KAZN: variants seen among roughly 807,000 people sequenced by gnomAD.
KAZN encodes kazrin, periplakin interacting protein, also known as kazrin.
In KAZN, 40 loss-of-function variants were observed where a neutral mutation model predicts 87.4. The observed-to-expected ratio is 0.46, with a 90% confidence interval of 0.36 to 0.60. The LOEUF (loss-of-function observed/expected upper bound fraction) is 0.60, where lower values mean the gene tolerates loss of function less well. Among genes scored for constraint, KAZN ranks in the 20% least tolerant of loss-of-function variants. The probability of loss-of-function intolerance (pLI) is 0.00; values close to 1 mark genes in which losing one functional copy is unlikely to be tolerated. For missense variants in KAZN, 898 were observed against 1,073.9 expected (o/e 0.84, Z 2.29); for synonymous variants, 466 against 458.3 (o/e 1.02, Z -0.22).
chr1:14,750,287 G>C (rs1196439924), intron 1 of KAZN, among the ~76,000 whole-genome samples: 1 of 152,110 alleles, frequency 6.6e-6, no homozygotes. Context: ...GGACTCCTCT[G>C]CCTCATTCCC....
chr1:14,077,915 G>A (rs764920919), intron 1 of KAZN, among the ~76,000 whole-genome samples: 3 of 152,298 alleles, frequency 2.0e-5, no homozygotes, highest in South Asian at 2.1e-4. Flanking sequence ...GCCGGCAGCC[G>A]CCTGCCACGG....
intron 1 of KAZN, among the ~76,000 whole-genome samples, chr1:14,601,107 C>T (rs1676937139): frequency 6.6e-6 from 1 of 152,214 alleles, no homozygotes; most frequent in Non-Finnish European, 1.5e-5. Context: ...CAGCAGCTCC[C>T]ATACGCTCTC....
chr1:14,807,504 C>A (rs995529183), intron 1 of KAZN, among the ~76,000 whole-genome samples: 2 of 152,130 alleles, frequency 1.3e-5, no homozygotes, highest in Non-Finnish European at 2.9e-5. Context: ...CATGGTGGCT[C>A]ACACCCGTAA....
At chr1:14,683,180 T>C (rs1037898345) in intron 1 of KAZN, among the ~76,000 whole-genome samples, 19 of 152,154 alleles carry the variant, frequency 1.2e-4, no homozygotes, top group Non-Finnish European at 2.2e-4. Flanking sequence ...GCCAAGAGTC[T>C]CAGTGGTAGG....
At chr1:14,144,618 C>T (rs1315281241) in intron 1 of KAZN, among the ~76,000 whole-genome samples, 1 of 152,060 alleles carries the variant, frequency 6.6e-6, no homozygotes, top group Non-Finnish European at 1.5e-5. Flanking sequence ...GTTGCTATAA[C>T]AGAATACCTG....
chr1:14,394,708 T>G (rs1662747016), intron 2 of KAZN, among the ~76,000 whole-genome samples: 1 of 152,224 alleles, frequency 6.6e-6, no homozygotes, highest in Admixed American at 6.5e-5. Context: ...GGGAGCTAAC[T>G]CCCACTGTTT....
At chr1:14,246,544 A>T (rs1649531456) in intron 2 of KAZN, among the ~76,000 whole-genome samples, 1 of 152,188 alleles carries the variant, frequency 6.6e-6, no homozygotes, top group Non-Finnish European at 1.5e-5. Context: ...ATAAAAATAT[A>T]TAACACACTT....
intron 1 of KAZN, among the ~76,000 whole-genome samples, chr1:14,692,837 G>A (rs552687963): frequency 7.5e-4 from 114 of 152,336 alleles, no homozygotes; most frequent in African/African-American, 2.6e-3. Context: ...GGAGGCTGAG[G>A]CATGAGAATC....
chr1:14,525,387 T>C (rs1671808816), intron 2 of KAZN, among the ~76,000 whole-genome samples: 1 of 152,232 alleles, frequency 6.6e-6, no homozygotes, highest in East Asian at 1.9e-4. Context: ...TTTTGAACCA[T>C]GAGGTGTCTG....
At chr1:13,893,636 A>G in exon 1 of KAZN, 6 of 1,549,804 alleles carry the variant, frequency 3.9e-6, no homozygotes, top group East Asian at 2.4e-5. Context: ...ACGCTGCCAC[A>G]TGACCAACAC....
At chr1:14,466,284 A>G (rs76708168) in intron 2 of KAZN, among the ~76,000 whole-genome samples, 2,106 of 152,152 alleles carry the variant, frequency 0.014, 63 homozygotes, top group African/African-American at 0.048. Context: ...GCAGTATCAC[A>G]CAGGACACTT....
rs922761737 is a variant in KAZN at position 14,959,640 on chromosome 1, C to T, written c.227-1044C>T. 7.9e-5 allele frequency among the ~76,000 whole-genome samples: 12 copies of T among 152,262 alleles called. 1 individual carries two copies. In the South Asian group the frequency reaches 1.4e-3, roughly 18 times the overall value. ...ATGAATATTTCAGTATGTCCTTCCA[C>T]GGTCTCCTAAGTGAGGTTTCCTCCT... On this transcript the variant is annotated intron_variant, in intron 1 of 14. Transcript: ENST00000376030.
chr1:14,295,448 C>T (rs1218598596), intron 2 of KAZN, among the ~76,000 whole-genome samples: 2 of 152,144 alleles, frequency 1.3e-5, no homozygotes, highest in African/African-American at 4.8e-5. Flanking sequence ...CAAGGACACA[C>T]ACACCCAAAG....
intron 1 of KAZN, among the ~76,000 whole-genome samples, chr1:13,980,864 G>C (rs1638630650): frequency 6.6e-6 from 1 of 151,678 alleles, no homozygotes; most frequent in Non-Finnish European, 1.5e-5. Context: ...TGGGCTCACT[G>C]GCATCTTTCT....
chr1:14,032,031 G>A (rs1177371033), intron 1 of KAZN, among the ~76,000 whole-genome samples: 1 of 152,150 alleles, frequency 6.6e-6, no homozygotes, highest in Non-Finnish European at 1.5e-5. Flanking sequence ...GCTGTTAAAA[G>A]ATCATCCATA....
At chr1:14,364,225 A>C (rs1420429536) in intron 2 of KAZN, among the ~76,000 whole-genome samples, 2 of 152,170 alleles carry the variant, frequency 1.3e-5, no homozygotes, top group Non-Finnish European at 2.9e-5. Flanking sequence ...CATGCAGTTA[A>C]GAGTAAGGGC....
intron 1 of KAZN, among the ~76,000 whole-genome samples, chr1:14,843,420 G>T (rs766697350): frequency 3.3e-5 from 5 of 152,196 alleles, no homozygotes; most frequent in Non-Finnish European, 7.3e-5. Flanking sequence ...AAGCCAAGAG[G>T]AGTAGTTTTC....
At chr1:14,390,885 C>T (rs1220637936) in intron 2 of KAZN, 1 of 152,594 alleles carries the variant, frequency 6.6e-6, no homozygotes, top group Non-Finnish European at 1.5e-5. Context: ...CTCCTGCCAC[C>T]ACCATGTTGC....
chr1:15,076,131 TG>T (rs1426897255), intron 8 of KAZN, among the ~76,000 whole-genome samples: 3 of 152,152 alleles, frequency 2.0e-5, no homozygotes, highest in Non-Finnish European at 2.9e-5. Context: ...GCTGTCACTG[TG>T]GGCACCAGAG....
Sources: allele counts gnomAD v4.1 joint callset (sites outside exome capture counted in the v4.1 genomes callset), GRCh38; gene constraint gnomAD v4.1.1; transcripts MANE v1.5; gene names NCBI Gene and HGNC (gene_info 2026-07-23, HGNC 2026-07-21).